Variants in CTNNA3 observed in about 807,000 individuals in gnomAD.
The protein encoded by CTNNA3 is catenin alpha 3, also known as catenin alpha-3.
Under a neutral mutation model 95.7 loss-of-function variants are expected in CTNNA3, and 76 were observed. The ratio of observed to expected loss-of-function variants is 0.79; its 90% CI spans 0.66 to 0.96. The LOEUF (loss-of-function observed/expected upper bound fraction) is 0.96. Among genes scored for constraint, CTNNA3 ranks in the 40% least tolerant of loss-of-function variants. The pLI, the probability that CTNNA3 is intolerant of heterozygous loss-of-function variation, is 0.00. For missense variants in CTNNA3, 1,191 were observed against 1,089.8 expected, an observed-to-expected ratio of 1.09 and a Z score of -1.31; for synonymous variants, 431 against 374.4, an observed-to-expected ratio of 1.15 and a Z score of -1.74.
At chr10:66,604,013 G>A (rs1301266384) in intron 10 of CTNNA3, among the ~76,000 whole-genome samples, 1 of 152,042 alleles carries the variant, frequency 6.6e-6, no homozygotes, top group African/African-American at 2.4e-5. Context: ...TAGGACACTG[G>A]TCTGGGCAAA....
chr10:67,302,013 A>T (rs1840322938), intron 5 of CTNNA3, among the ~76,000 whole-genome samples: 1 of 17,044 alleles, frequency 5.9e-5, no homozygotes, highest in Non-Finnish European at 9.4e-5. Flanking sequence ...GAAAGAAAGA[A>T]AGAAAGAAAG....
At position 67,005,682 on chromosome 10, in the gene CTNNA3, C is replaced by CTTTTTTTTTTTTTTTTTTTTTTTT. The variant is rs11369576; in HGVS notation, c.1047+174634_1047+174635insAAAAAAAAAAAAAAAAAAAAAAAA. Among the ~76,000 whole-genome samples, 27 of 61,982 alleles carry CTTTTTTTTTTTTTTTTTTTTTTTT rather than the reference C, an allele frequency of 4.4e-4. 9 individuals are homozygous for CTTTTTTTTTTTTTTTTTTTTTTTT. The highest frequency in any genetic ancestry group is 1.4e-3 in the East Asian group (2 of 1,460). The allele number at this position is 61,982 out of a possible 152,430, so 40.7% of individuals were successfully genotyped here. On this transcript the variant is annotated intron_variant, in intron 7 of 17. Coordinates refer to ENST00000433211, the MANE Select transcript of CTNNA3 (RefSeq NM_013266.4). ...AATGCTTTTGTTTATTTTACTCCAT[C>CTTTTTTTTTTTTTTTTTTTTTTTT]TTTTTTTTTTTTTTTTTTTTTGAGA...
chr10:65,920,436 C>G lies in CTNNA3; in HGVS notation c.2582G>C (p.Arg861Thr), dbSNP rs1375445904. The change falls in exon 18 of 18, where the codon AGA becomes ACA. Residue 861 changes from arginine to threonine, a missense_variant. Physicochemically the swap from Arg to Thr is moderately conservative, Grantham distance 71. Transcript: ENST00000433211. ...KAPAKKPLIK[R>T]EKPEETCAAV... ...TGCACACGTTTCCTCTGGCTTCTCT[C>G]TTTTAATCAAGGGTTTTTTTGCAGG... The G allele has an allele frequency of 6.2e-7, 1 of 1,614,138 alleles. No individual in the cohort carries two copies. The highest frequency in any genetic ancestry group is 1.7e-5 in the Admixed American group (1 of 60,004).
intron 5 of CTNNA3, among the ~76,000 whole-genome samples, chr10:67,223,118 G>C (rs891177304): frequency 5.3e-5 from 8 of 152,266 alleles, no homozygotes; most frequent in African/African-American, 1.7e-4. Flanking sequence ...CAAATATAAC[G>C]TTACAGCAGT....
intron 14 of CTNNA3, among the ~76,000 whole-genome samples, chr10:66,084,428 AT>A (rs2080901001): frequency 6.6e-6 from 1 of 152,150 alleles, no homozygotes; most frequent in African/African-American, 2.4e-5. Flanking sequence ...TTACAGTGGT[AT>A]TAGTTTTGGA....
Position 66,721,369 on chromosome 10 carries a change from C to G in CTNNA3, c.1281+44895G>C, listed in dbSNP as rs56117625. Among the ~76,000 whole-genome samples the G allele has an allele frequency of 4.9e-3, 752 of 152,268 alleles. 6 individuals are homozygous for G. Among genetic ancestry groups the G allele is most frequent in the Non-Finnish European group, 8.1e-3 (551 of 68,008 alleles). ...AACAACTGAATGTAACATTTCCATT[C>G]TAATTTTTATAAAATTTCTTTGTTT... On this transcript the variant is annotated intron_variant, in intron 9 of 17. Transcript: ENST00000433211.
chr10:66,692,294 G>T (rs1847578188), intron 9 of CTNNA3, among the ~76,000 whole-genome samples: 1 of 152,182 alleles, frequency 6.6e-6, no homozygotes, highest in Non-Finnish European at 1.5e-5. Flanking sequence ...GAAAGCCAAG[G>T]CTTGAGAACT....
chr10:67,412,942 T>A (rs750375454), intron 5 of CTNNA3, among the ~76,000 whole-genome samples: 1 of 151,920 alleles, frequency 6.6e-6, no homozygotes, highest in Non-Finnish European at 1.5e-5. Context: ...ATAAAGCAAC[T>A]ACACAAGAAC....
chr10:66,238,456 A>G (rs1463702612), intron 13 of CTNNA3, among the ~76,000 whole-genome samples: 4 of 152,054 alleles, frequency 2.6e-5, no homozygotes, highest in African/African-American at 9.7e-5. Flanking sequence ...AAATTATTGT[A>G]AACTCAAATT....
At chr10:67,293,606 T>A (rs1474481649) in intron 5 of CTNNA3, among the ~76,000 whole-genome samples, 2 of 151,978 alleles carry the variant, frequency 1.3e-5, no homozygotes, top group Non-Finnish European at 2.9e-5. Flanking sequence ...CATGTTGGTG[T>A]GCTGCACCCA....
chr10:67,554,432 T>C (rs1459669547), intron 3 of CTNNA3, among the ~76,000 whole-genome samples: 2 of 152,200 alleles, frequency 1.3e-5, no homozygotes, highest in Non-Finnish European at 2.9e-5. Flanking sequence ...TTTCCTGACT[T>C]TCTAATGATC....
chr10:66,963,276 T>C (rs1849221336), intron 7 of CTNNA3, among the ~76,000 whole-genome samples: 1 of 152,188 alleles, frequency 6.6e-6, no homozygotes, highest in Admixed American at 6.5e-5. Context: ...AACAGACTTT[T>C]AGCTTTGAAC....
At chr10:67,462,392 T>A (rs928652237) in intron 5 of CTNNA3, among the ~76,000 whole-genome samples, 1 of 152,190 alleles carries the variant, frequency 6.6e-6, no homozygotes, top group Non-Finnish European at 1.5e-5. Flanking sequence ...TTAAAAACAC[T>A]CACAGTTATC....
At chr10:66,382,244 C>T (rs556881454) in intron 11 of CTNNA3, among the ~76,000 whole-genome samples, 22 of 152,284 alleles carry the variant, frequency 1.4e-4, no homozygotes, top group African/African-American at 5.3e-4. Context: ...GCGCTTTTCC[C>T]AAGGTTTTAG....
In CTNNA3 at chr10:67,339,346, C is replaced by T. The variant is rs1464596460; in HGVS notation, c.580-119476G>A. Among the ~76,000 whole-genome samples the T allele has an allele frequency of 2.0e-5, 3 of 152,092 alleles. No homozygotes were observed. The South Asian group carries it at 6.2e-4, about 32-fold the overall frequency. Reference sequence around the variant, plus strand: ...AAAGCTAATGACTTATCCAATATCACATGGTGGTTCAATAAAGAAATTAAA... The same window carrying T: ...AAAGCTAATGACTTATCCAATATCATATGGTGGTTCAATAAAGAAATTAAA... On this transcript the variant is annotated intron_variant, in intron 5 of 17. Transcript: ENST00000433211.
At chr10:66,209,697 AT>A (rs372769546) in intron 13 of CTNNA3, among the ~76,000 whole-genome samples, 1 of 152,114 alleles carries the variant, frequency 6.6e-6, no homozygotes, top group Non-Finnish European at 1.5e-5. Context: ...GGATAAGCCA[AT>A]TTTTTCATAT....
At chr10:66,264,205 C>G (rs2091088903) in intron 13 of CTNNA3, among the ~76,000 whole-genome samples, 1 of 151,924 alleles carries the variant, frequency 6.6e-6, no homozygotes, top group Non-Finnish European at 1.5e-5. Flanking sequence ...AATGAGACTT[C>G]TACCCGAAAC....
In CTNNA3 at chr10:66,328,911, CATATATATATATATATATAT is replaced by C. The variant is rs1554935009; in HGVS notation, c.1733-48310_1733-48291del. ...ACACATACACACACACACATATATA[CATATATATATATATATATAT>C]ATACACACACACATATAAATATAAT... On this transcript the variant is annotated intron_variant, in intron 12 of 17. Transcript: ENST00000433211. Among the ~76,000 whole-genome samples the C allele has an allele frequency of 1.6e-4, 14 of 86,472 alleles. No homozygotes were observed. In the South Asian group the frequency reaches 5.8e-3, roughly 36 times the overall value. 56.7% of individuals were successfully genotyped at this position (86,472 alleles called of 152,430 possible).
chr10:66,884,571 C>A (rs1458725292), intron 7 of CTNNA3, among the ~76,000 whole-genome samples: 2 of 152,104 alleles, frequency 1.3e-5, no homozygotes, highest in South Asian at 2.1e-4. Context: ...CAGTCCCAGT[C>A]AACACTTCAC....
Sources: gnomAD v4.1 joint callset for allele counts (sites outside exome capture counted in the v4.1 genomes callset) on GRCh38, gnomAD v4.1.1 for gene constraint, MANE v1.5 for transcripts, NCBI Gene and HGNC (gene_info 2026-07-23, HGNC 2026-07-21) for gene names.